Variants in CYP19A1 observed in about 807,000 individuals in gnomAD.
CYP19A1 encodes the protein aromatase.
CYP19A1 carries 32 observed loss-of-function variants against 44.4 expected under a neutral mutation model. The observed-to-expected ratio is 0.72, with a 90% CI of 0.54 to 0.97. The LOEUF (loss-of-function observed/expected upper bound fraction) is 0.97. Among genes scored for constraint, CYP19A1 ranks in the 50% least tolerant of loss-of-function variants. The pLI is 0.00. For synonymous variants in CYP19A1, 212 were observed against 215.6 expected (o/e 0.98, Z 0.14); for missense variants, 598 against 637.8 (o/e 0.94, Z 0.67).
intron 1 of CYP19A1, among the ~76,000 whole-genome samples, chr15:51,254,402 T>C (rs911876090): frequency 6.6e-6 from 1 of 152,234 alleles, no homozygotes. Context: ...GATTGAAGGA[T>C]TGGCCCCAGT....
intron 1 of CYP19A1, among the ~76,000 whole-genome samples, chr15:51,335,976 G>A (rs1038916443): frequency 4.6e-5 from 7 of 152,188 alleles, no homozygotes; most frequent in African/African-American, 1.4e-4. Flanking sequence ...ATAGGGCCTT[G>A]AACGTGTTGT....
chr15:51,290,531 G>A (rs1046238449), intron 1 of CYP19A1, among the ~76,000 whole-genome samples: 7 of 152,208 alleles, frequency 4.6e-5, no homozygotes, highest in Admixed American at 6.5e-5. Flanking sequence ...TGCCTTGGCT[G>A]TGAAAATTCC....
chr15:51,271,159 T>C (rs930338020), intron 1 of CYP19A1, among the ~76,000 whole-genome samples: 2 of 152,176 alleles, frequency 1.3e-5, no homozygotes, highest in African/African-American at 2.4e-5. Flanking sequence ...TCATACTCTG[T>C]CCTGATTCTT....
At position 51,216,493 on chromosome 15, in the gene CYP19A1, T is replaced by G. The variant is rs551080666; in HGVS notation, c.744-676A>C. On this transcript the variant is annotated intron_variant, in intron 6 of 9. Coordinates refer to ENST00000396402, the MANE Select transcript of CYP19A1 (RefSeq NM_000103.4). ...GTCTCAAACTCCTGACCTCAGGTGA[T>G]CCACCCACCTCGGCCTCCCAAAGTG... Among the ~76,000 whole-genome samples the G allele has an allele frequency of 3.7e-4, 57 of 152,302 alleles. 1 individual carries two copies. The South Asian group carries it at 0.011, about 29-fold the overall frequency.
chr15:51,305,565 C>G (rs1228590481), intron 1 of CYP19A1, among the ~76,000 whole-genome samples: 1 of 151,816 alleles, frequency 6.6e-6, no homozygotes, highest in Admixed American at 6.6e-5. Flanking sequence ...TGTGTGTTTT[C>G]GTTTGTTTGT....
intron 1 of CYP19A1, among the ~76,000 whole-genome samples, chr15:51,327,638 C>T (rs1183013110): frequency 1.3e-5 from 2 of 152,116 alleles, no homozygotes; most frequent in African/African-American, 4.8e-5. Context: ...TCCCTTGGGG[C>T]CAGGCTCAGC....
At chr15:51,286,529 G>A (rs1237859282) in intron 1 of CYP19A1, among the ~76,000 whole-genome samples, 1 of 152,104 alleles carries the variant, frequency 6.6e-6, no homozygotes, top group South Asian at 2.1e-4. Context: ...CACTTAGCTC[G>A]TTGCATTTCA....
At chr15:51,245,992 T>C (rs1393795947) in intron 1 of CYP19A1, among the ~76,000 whole-genome samples, 1 of 152,226 alleles carries the variant, frequency 6.6e-6, no homozygotes, top group African/African-American at 2.4e-5. Context: ...TCATGGACTT[T>C]TCATTCATTT....
At chr15:51,334,043 C>T (rs1220501268) in intron 1 of CYP19A1, among the ~76,000 whole-genome samples, 7 of 152,146 alleles carry the variant, frequency 4.6e-5, no homozygotes, top group African/African-American at 1.7e-4. Flanking sequence ...CTAGACCAGG[C>T]TTGGCTTTCT....
At chr15:51,248,400 G>C (rs1456195272) in intron 1 of CYP19A1, among the ~76,000 whole-genome samples, 2 of 152,170 alleles carry the variant, frequency 1.3e-5, no homozygotes, top group Non-Finnish European at 2.9e-5. Context: ...CCATGCTTTG[G>C]TGCCAGGCCA....
At chr15:51,213,861 C>T (rs1384086870) in intron 8 of CYP19A1, among the ~76,000 whole-genome samples, 1 of 152,124 alleles carries the variant, frequency 6.6e-6, no homozygotes, top group African/African-American at 2.4e-5. Flanking sequence ...GTGGTGTTGG[C>T]TTGTTCAAGG....
At chr15:51,324,009 G>C (rs1267761109) in intron 1 of CYP19A1, 2 of 152,162 alleles carry the variant, frequency 1.3e-5, no homozygotes, top group Non-Finnish European at 2.9e-5. Flanking sequence ...TAAAATCAGG[G>C]GACCTGGGGA....
At chr15:51,289,116 C>A (rs759120932) in intron 1 of CYP19A1, among the ~76,000 whole-genome samples, 3 of 152,058 alleles carry the variant, frequency 2.0e-5, no homozygotes, top group Non-Finnish European at 4.4e-5. Flanking sequence ...GGTACAGGTC[C>A]CTGAGAAGCA....
At chr15:51,319,341 A>T (rs35779220) in intron 1 of CYP19A1, among the ~76,000 whole-genome samples, 14 of 152,378 alleles carry the variant, frequency 9.2e-5, no homozygotes, top group African/African-American at 3.1e-4. Context: ...TCTCAAATGC[A>T]CTACTTAAAG....
intron 1 of CYP19A1, among the ~76,000 whole-genome samples, chr15:51,263,741 G>A (rs1181980131): frequency 6.6e-6 from 1 of 152,236 alleles, no homozygotes; most frequent in Admixed American, 6.5e-5. Context: ...AATCCTCCCA[G>A]GCTGCTGCTC....
intron 1 of CYP19A1, among the ~76,000 whole-genome samples, chr15:51,250,055 C>A (rs1329450938): frequency 6.6e-6 from 1 of 152,222 alleles, no homozygotes; most frequent in African/African-American, 2.4e-5. Context: ...ATGCCTTGTC[C>A]ACCCTATAGT....
intron 6 of CYP19A1, among the ~76,000 whole-genome samples, chr15:51,218,301 C>T (rs1220630526): frequency 6.6e-6 from 1 of 152,152 alleles, no homozygotes; most frequent in East Asian, 1.9e-4. Context: ...AGCTCCCAGA[C>T]CACACACTCA....
At chr15:51,297,722 C>T (rs2036024541) in intron 1 of CYP19A1, among the ~76,000 whole-genome samples, 1 of 151,840 alleles carries the variant, frequency 6.6e-6, no homozygotes, top group Non-Finnish European at 1.5e-5. Context: ...TGGTGTGGGT[C>T]CCAAATCTCC....
At chr15:51,283,746 G>A (rs943151211) in intron 1 of CYP19A1, among the ~76,000 whole-genome samples, 18 of 152,214 alleles carry the variant, frequency 1.2e-4, no homozygotes, top group Non-Finnish European at 2.1e-4. Flanking sequence ...AATCAGTGTC[G>A]TTCTAAAGAT....
Sources: gnomAD v4.1 joint callset for allele counts (sites outside exome capture counted in the v4.1 genomes callset) on GRCh38, gnomAD v4.1.1 for gene constraint, MANE v1.5 for transcripts, NCBI Gene and HGNC (gene_info 2026-07-23, HGNC 2026-07-21) for gene names.